Variants in SBF2 observed in about 807,000 individuals in gnomAD.
SBF2 encodes the protein myotubularin-related protein 13.
Under a neutral mutation model 225.2 loss-of-function variants are expected in SBF2, and 112 were observed. The ratio of observed to expected loss-of-function variants is 0.50; its 90% CI spans 0.43 to 0.58. The LOEUF is 0.58. Among genes scored for constraint, SBF2 ranks in the 20% least tolerant of loss-of-function variants. The pLI, the probability that SBF2 is intolerant of heterozygous loss-of-function variation, is 0.00. For synonymous variants in SBF2, 763 were observed against 773.3 expected (o/e 0.99, Z 0.22); for missense variants, 1,996 against 2,206.2 (o/e 0.90, Z 1.91).
chr11:10,250,779 C>T (rs1012134875), intron 1 of SBF2, among the ~76,000 whole-genome samples: 4 of 152,176 alleles, frequency 2.6e-5, no homozygotes, highest in African/African-American at 2.4e-5. Context: ...AAAGACTGCC[C>T]TTGCCATTCA....
chr11:9,804,984 C>T (rs1853717146), intron 32 of SBF2, among the ~76,000 whole-genome samples: 1 of 152,078 alleles, frequency 6.6e-6, no homozygotes, highest in Non-Finnish European at 1.5e-5. Flanking sequence ...GTGGCTCACG[C>T]CTGTAATCCC....
chr11:9,844,759 A>G (rs1856418082), intron 24 of SBF2, among the ~76,000 whole-genome samples: 1 of 152,098 alleles, frequency 6.6e-6, no homozygotes, highest in Non-Finnish European at 1.5e-5. Context: ...GGACAAGGGG[A>G]GGGATAGCAT....
rs546522229 is a variant in SBF2, at chr11:10,253,118, CAAAAAAAA to C, written c.55+40889_55+40896del. Among the ~76,000 whole-genome samples the C allele has an allele frequency of 4.5e-4, 35 of 77,262 alleles. 1 individual carries two copies. In the East Asian group the frequency reaches 4.8e-3, roughly 11 times the overall value. The allele number at this position is 77,262 out of a possible 152,430, so 50.7% of individuals were successfully genotyped here. A position where few individuals can be genotyped will look rare whatever the true frequency, so the allele number is the denominator to read the frequency against. On this transcript the variant is annotated intron_variant, in intron 1 of 39. Coordinates refer to ENST00000256190, the MANE Select transcript of SBF2 (RefSeq NM_030962.4). ...CAACCTCCACACAAGAGGTAAATACCAAAAAAAAAAAAAAAAAAAAAAAATCAGCTTTA... is the reference window on the plus strand; with the variant it reads ...CAACCTCCACACAAGAGGTAAATACCAAAAAAAAAAAAAAAATCAGCTTTA...
chr11:10,264,522 G>C (rs1046176549), intron 1 of SBF2, among the ~76,000 whole-genome samples: 2 of 151,586 alleles, frequency 1.3e-5, no homozygotes, highest in Non-Finnish European at 2.9e-5. Flanking sequence ...ATTTTGCCAG[G>C]TACTACAAAA....
At chr11:10,006,244 G>A (rs1228679902) in intron 6 of SBF2, among the ~76,000 whole-genome samples, 23 of 152,152 alleles carry the variant, frequency 1.5e-4, no homozygotes, top group Non-Finnish European at 3.4e-4. Flanking sequence ...AGCTCTTGCT[G>A]AATTTGTGCA....
intron 18 of SBF2, 29 bp downstream of exon 18, chr11:9,858,197 A>C: frequency 6.2e-7 from 1 of 1,612,822 alleles, no homozygotes; most frequent in Non-Finnish European, 8.5e-7. Flanking sequence ...CTAATCCCAC[A>C]CAATTAGAGT....
chr11:9,790,159 T>C (rs999564984), intron 34 of SBF2, among the ~76,000 whole-genome samples: 4 of 152,256 alleles, frequency 2.6e-5, no homozygotes, highest in African/African-American at 9.6e-5. Flanking sequence ...CGAATATCTC[T>C]GCTTCCTACA....
intron 1 of SBF2, among the ~76,000 whole-genome samples, chr11:10,276,621 C>A (rs897051261): frequency 6.6e-6 from 1 of 152,160 alleles, no homozygotes; most frequent in African/African-American, 2.4e-5. Context: ...TTCATTTAAT[C>A]CCTTTTAATT....
intron 16 of SBF2, among the ~76,000 whole-genome samples, chr11:9,899,162 T>C (rs1861514112): frequency 6.6e-6 from 1 of 151,832 alleles, no homozygotes; most frequent in Admixed American, 6.6e-5. Flanking sequence ...CAAAAGGCCC[T>C]GACTATAAAT....
chr11:10,222,443 AT>A (rs1958373618), intron 1 of SBF2, among the ~76,000 whole-genome samples: 1 of 152,254 alleles, frequency 6.6e-6, no homozygotes, highest in Non-Finnish European at 1.5e-5. Flanking sequence ...AACCTAAAAA[AT>A]AACAAAGTAG....
chr11:9,863,474 C>A (rs1187417571), intron 17 of SBF2, among the ~76,000 whole-genome samples: 1 of 152,140 alleles, frequency 6.6e-6, no homozygotes, highest in Non-Finnish European at 1.5e-5. Flanking sequence ...TGGAGATTTC[C>A]TATCTAGTTC....
intron 13 of SBF2, 54 bp downstream of exon 13, chr11:9,989,443 A>AAAAT (rs1184196405): frequency 6.7e-6 from 8 of 1,189,962 alleles, no homozygotes; most frequent in African/African-American, 3.1e-5. Flanking sequence ...AACTTACGGA[A>AAAAT]AAATAAATAA....
At chr11:9,809,090 AACG>A (rs924082626) in intron 30 of SBF2, 88 bp from the exon 31 acceptor site, 1 of 938,068 alleles carries the variant, frequency 1.1e-6, no homozygotes. Flanking sequence ...TGGATAATCA[AACG>A]ACTTAGGGAT....
intron 2 of SBF2, among the ~76,000 whole-genome samples, chr11:10,169,471 A>G (rs1377916552): frequency 6.6e-6 from 1 of 152,136 alleles, no homozygotes; most frequent in Non-Finnish European, 1.5e-5. Flanking sequence ...ATTTCATTCA[A>G]CATGACTTCC....
intron 16 of SBF2, among the ~76,000 whole-genome samples, chr11:9,903,473 A>G (rs1861887652): frequency 6.6e-6 from 1 of 152,246 alleles, no homozygotes; most frequent in Non-Finnish European, 1.5e-5. Flanking sequence ...TGGTGAATCC[A>G]TATGCGTCTG....
chr11:10,064,075 T>C (rs1221195832), intron 2 of SBF2, among the ~76,000 whole-genome samples: 1 of 152,182 alleles, frequency 6.6e-6, no homozygotes, highest in Non-Finnish European at 1.5e-5. Flanking sequence ...GCATAAGATT[T>C]TTTTTATTAT....
chr11:9,918,496 G>A (rs1418461215), intron 16 of SBF2, among the ~76,000 whole-genome samples: 1 of 151,834 alleles, frequency 6.6e-6, no homozygotes, highest in East Asian at 1.9e-4. Flanking sequence ...TGGAACTACA[G>A]GTGCACGCCA....
intron 17 of SBF2, among the ~76,000 whole-genome samples, chr11:9,889,965 G>A (rs1227539811): frequency 3.3e-5 from 5 of 152,058 alleles, no homozygotes; most frequent in African/African-American, 7.2e-5. Flanking sequence ...GTGCAATGGC[G>A]TAATCTCGGC....
intron 1 of SBF2, among the ~76,000 whole-genome samples, chr11:10,201,812 A>G (rs906287910): frequency 6.6e-6 from 1 of 152,244 alleles, no homozygotes; most frequent in African/African-American, 2.4e-5. Flanking sequence ...CCTGGCCAAC[A>G]TGGTGAAACC....
Sources: allele counts gnomAD v4.1 joint callset (sites outside exome capture counted in the v4.1 genomes callset), GRCh38; gene constraint gnomAD v4.1.1; transcripts MANE v1.5; gene names NCBI Gene and HGNC (gene_info 2026-07-23, HGNC 2026-07-21).